Variants in IRF2 observed in about 807,000 individuals in gnomAD.
IRF2 encodes the protein interferon regulatory factor 2.
IRF2 carries 15 observed loss-of-function variants against 40.6 expected under a neutral mutation model. The observed-to-expected ratio is 0.37, with a 90% CI of 0.25 to 0.57. The LOEUF is 0.57. Among genes scored for constraint, IRF2 ranks in the 20% least tolerant of loss-of-function variants. The pLI is 0.77. For synonymous variants in IRF2, 151 were observed against 165.5 expected, an observed-to-expected ratio of 0.91 and a Z score of 0.67; for missense variants, 317 against 455.7, an observed-to-expected ratio of 0.70 and a Z score of 2.77.
At chr4:184,400,722 T>C (rs1736635319) in intron 6 of IRF2, among the ~76,000 whole-genome samples, 1 of 152,184 alleles carries the variant, frequency 6.6e-6, no homozygotes, top group Non-Finnish European at 1.5e-5. Context: ...CTCGGCAGCA[T>C]TTCGTGTCAT....
rs574618915 is a variant in IRF2, at chr4:184,439,785, C to T, written c.-6-10715G>A. On this transcript the variant is annotated intron_variant, in intron 1 of 8. Coordinates refer to ENST00000393593, the MANE Select transcript of IRF2 (RefSeq NM_002199.4). ...CTCTGACCACAGACTCCTCTGGTAC[C>T]TGAAATGTGTGCTGCATCCGAACCA... 5.3e-5 allele frequency among the ~76,000 whole-genome samples: 8 copies of T among 152,268 alleles called. No individual in the cohort carries two copies. In the South Asian group the frequency reaches 1.7e-3, roughly 32 times the overall value.
rs964457606 is a variant in IRF2 at position 184,430,106 on chromosome 4, G to T, written c.-6-1036C>A. Among the ~76,000 whole-genome samples, 3 of 152,060 alleles carry T rather than the reference G, an allele frequency of 2.0e-5. No homozygotes were observed. In the East Asian group the frequency reaches 5.8e-4, roughly 29 times the overall value. ...TCTTTTGTTCATTTCCTCCAAAATT[G>T]AGCTCTGAAAATTCTATTCCTTGGC... On this transcript the variant is annotated intron_variant, in intron 1 of 8. Coordinates refer to ENST00000393593, the MANE Select transcript of IRF2 (RefSeq NM_002199.4).
At chr4:184,466,067 GT>G (rs58390493) in intron 1 of IRF2, among the ~76,000 whole-genome samples, 57,658 of 147,298 alleles carry the variant, frequency 0.39, 12,120 homozygotes, top group East Asian at 0.49. Context: ...TTTGTTTTTT[GT>G]TTTTTTTTTG....
rs566962835 is a variant in IRF2 at position 184,471,723 on chromosome 4, G to A, written c.-7+2656C>T. ...CATCTTTTGCTCTGGTGCACTATTT[G>A]CCTAATAAAGTGTTTCAGAAAGTGG... is the stretch of plus-strand genomic sequence containing the variant. On this transcript the variant is annotated intron_variant, in intron 1 of 8. Transcript: ENST00000393593. Among the ~76,000 whole-genome samples, 95 of 152,234 alleles carry A rather than the reference G, an allele frequency of 6.2e-4. 1 individual carries two copies. The highest frequency in any genetic ancestry group is 2.2e-3 in the African/African-American group (90 of 41,538).
chr4:184,407,956 G>C (rs1050766555), intron 6 of IRF2, among the ~76,000 whole-genome samples: 5 of 149,558 alleles, frequency 3.3e-5, no homozygotes, highest in South Asian at 4.2e-4. Context: ...TTCCACGGAG[G>C]CTGACCCGTC....
chr4:184,411,529 C>A (rs1737073165), intron 5 of IRF2, among the ~76,000 whole-genome samples: 1 of 152,180 alleles, frequency 6.6e-6, no homozygotes, highest in Non-Finnish European at 1.5e-5. Context: ...AATCATCTCA[C>A]TGACACCGTC....
In IRF2 at chr4:184,435,996, G is replaced by A. The variant is rs77268101; in HGVS notation, c.-6-6926C>T. Among the ~76,000 whole-genome samples the A allele has an allele frequency of 5.1e-5, 4 of 79,142 alleles. No homozygotes were observed. The South Asian group carries it at 1.4e-3, about 29-fold the overall frequency. The allele number at this position is 79,142 out of a possible 152,430, so 51.9% of individuals were successfully genotyped here. A position where few individuals can be genotyped will look rare whatever the true frequency, so the allele number is the denominator to read the frequency against. ...CTTTTTCTTTTTTCTTTTTTTTTTT[G>A]AGACAGAGTCTCGCTCTGTCGTTGG... On this transcript the variant is annotated intron_variant, in intron 1 of 8. Coordinates refer to ENST00000393593, the MANE Select transcript of IRF2 (RefSeq NM_002199.4).
intron 1 of IRF2, chr4:184,432,177 A>C (rs1056210680): frequency 6.6e-6 from 1 of 152,208 alleles, no homozygotes; most frequent in Non-Finnish European, 1.5e-5. Flanking sequence ...TGTATCTGTG[A>C]ATTTGCCTAC....
chr4:184,416,328 C>CAAAAAAAAAAAAAAAAAAAAAAA (rs35274774), intron 5 of IRF2, among the ~76,000 whole-genome samples: 1 of 100,174 alleles, frequency 1.0e-5, no homozygotes. Context: ...AAAAAAAAAA[C>CAAAAAAAAAAAAAAAAAAAAAAA]AAAAAAAAAA....
At position 184,397,531 on chromosome 4, in the gene IRF2, G is replaced by GA. The variant is rs555947750; in HGVS notation, c.694+1383dup. ...GTATTTTACCACAATTTTTAAAAGT[G>GA]AAAAAAAAAAGAAAGTTGGCATTCA... On this transcript the variant is annotated intron_variant, in intron 7 of 8. Transcript: ENST00000393593. Among the ~76,000 whole-genome samples the GA allele has an allele frequency of 4.7e-3, 692 of 147,140 alleles. 4 individuals carry two copies. Among genetic ancestry groups the GA allele is most frequent in the African/African-American group, 0.016 (654 of 40,164 alleles).
intron 2 of IRF2, among the ~76,000 whole-genome samples, chr4:184,421,347 CG>C (rs1737475657): frequency 6.6e-6 from 1 of 152,160 alleles, no homozygotes; most frequent in South Asian, 2.1e-4. Context: ...ATAAATTCCT[CG>C]GTGTTCATTC....
chr4:184,471,490 T>C (rs1253182596), intron 1 of IRF2, among the ~76,000 whole-genome samples: 2 of 152,234 alleles, frequency 1.3e-5, no homozygotes, highest in Admixed American at 1.3e-4. Flanking sequence ...ATAAGGCAGA[T>C]AAGGGAACTA....
intron 1 of IRF2, among the ~76,000 whole-genome samples, chr4:184,468,434 C>G (rs182934608): frequency 3.6e-4 from 55 of 152,054 alleles, no homozygotes; most frequent in Non-Finnish European, 6.9e-4. Context: ...TTGCAGTGAG[C>G]CGAGATCACA....
At chr4:184,445,248 C>A (rs1407641643) in intron 1 of IRF2, among the ~76,000 whole-genome samples, 2 of 152,204 alleles carry the variant, frequency 1.3e-5, no homozygotes, top group Admixed American at 6.5e-5. Context: ...GAACGTGTTT[C>A]CTGAACAGCC....
At chr4:184,412,164 C>T (rs1737102442) in intron 5 of IRF2, among the ~76,000 whole-genome samples, 1 of 152,156 alleles carries the variant, frequency 6.6e-6, no homozygotes, top group Non-Finnish European at 1.5e-5. Context: ...CATTGACGCT[C>T]AAGAACCTTT....
intron 6 of IRF2, among the ~76,000 whole-genome samples, chr4:184,404,053 G>A (rs1366928684): frequency 1.3e-5 from 2 of 152,144 alleles, no homozygotes; most frequent in Non-Finnish European, 2.9e-5. Context: ...GTCTCCACCT[G>A]AGAAAGCAAC....
At chr4:184,395,101 C>A (rs1736396068) in intron 7 of IRF2, among the ~76,000 whole-genome samples, 1 of 152,082 alleles carries the variant, frequency 6.6e-6, no homozygotes, top group Non-Finnish European at 1.5e-5. Context: ...ACCAGTTTCC[C>A]AAACAGATGA....
intron 2 of IRF2, among the ~76,000 whole-genome samples, chr4:184,425,293 G>A (rs981907785): frequency 6.6e-6 from 1 of 152,202 alleles, no homozygotes; most frequent in Non-Finnish European, 1.5e-5. Context: ...GTATTTATAT[G>A]GACAGATGAA....
intron 1 of IRF2, among the ~76,000 whole-genome samples, chr4:184,431,117 A>G (rs1737861449): frequency 6.6e-6 from 1 of 152,232 alleles, no homozygotes; most frequent in Non-Finnish European, 1.5e-5. Context: ...GGGTGCCGTC[A>G]GAGGTTGGCC....
Sources: allele counts gnomAD v4.1 joint callset (sites outside exome capture counted in the v4.1 genomes callset), GRCh38; gene constraint gnomAD v4.1.1; transcripts MANE v1.5; gene names NCBI Gene and HGNC (gene_info 2026-07-23, HGNC 2026-07-21).